LAMA1: variants seen among roughly 807,000 people sequenced by gnomAD.
LAMA1 encodes the protein laminin subunit alpha 1, also known as laminin subunit alpha-1.
LAMA1 carries 219 observed loss-of-function variants against 348.7 expected under a neutral mutation model. The ratio of observed to expected loss-of-function variants is 0.63; its 90% CI spans 0.56 to 0.70. The LOEUF (loss-of-function observed/expected upper bound fraction) is 0.70, where lower values mean the gene tolerates loss of function less well. LAMA1 is among the 30% of genes least tolerant of loss of function. The pLI is 0.00. For missense variants in LAMA1, 3,744 were observed against 3,888.0 expected, an observed-to-expected ratio of 0.96 and a Z score of 0.99; for synonymous variants, 1,487 against 1,491.0, an observed-to-expected ratio of 1.00 and a Z score of 0.06.
chr18:6,951,789 A>G (rs1338329069), intron 57 of LAMA1, among the ~76,000 whole-genome samples: 1 of 152,226 alleles, frequency 6.6e-6, no homozygotes, highest in East Asian at 1.9e-4. Context: ...AAGAAGCAAC[A>G]GGATTTGCCA....
At position 6,955,485 on chromosome 18, in the gene LAMA1, A is replaced by G. The variant is rs1301694352; in HGVS notation, c.8095-20T>C. On this transcript the variant is annotated intron_variant, in intron 56 of 62. Transcript: ENST00000389658. The stretch of plus-strand genomic sequence containing the variant: ...CTGTTCCTGTAAGAGACACACAGGG[A>G]CACTCAGCCGCCACCCGCAGCCCGA... 1.9e-6 allele frequency: 3 copies of G among 1,596,698 alleles called. No individual in the cohort carries two copies. The highest frequency in any genetic ancestry group is 2.6e-6 in the Non-Finnish European group (3 of 1,164,504).
At chr18:7,057,475 T>TC (rs1305581291) in intron 3 of LAMA1, among the ~76,000 whole-genome samples, 142 of 115,486 alleles carry the variant, frequency 1.2e-3, no homozygotes, top group African/African-American at 9.4e-3. Flanking sequence ...TCTTTTCTTT[T>TC]TTTTTTTTTT....
chr18:6,986,905 C>G (rs977032164), intron 36 of LAMA1, among the ~76,000 whole-genome samples: 1 of 152,112 alleles, frequency 6.6e-6, no homozygotes, highest in East Asian at 1.9e-4. Context: ...GATTAAGGTG[C>G]CTGCCATCAC....
In LAMA1 at chr18:7,002,795, T is replaced by C. The variant is rs564983737; in HGVS notation, c.4261-410A>G. On this transcript the variant is annotated intron_variant, in intron 29 of 62. Coordinates refer to ENST00000389658, the MANE Select transcript of LAMA1 (RefSeq NM_005559.4). ...AAGAATGGATAGATGATTTAGGAAATAGACAATGAGGGAAGAAAACTCATG... is the reference window on the plus strand; with the variant it reads ...AAGAATGGATAGATGATTTAGGAAACAGACAATGAGGGAAGAAAACTCATG... 1.3e-4 allele frequency among the ~76,000 whole-genome samples: 20 copies of C among 152,182 alleles called. No individual in the cohort carries two copies. In the South Asian group the frequency reaches 1.5e-3, roughly 11 times the overall value.
chr18:7,081,109 T>C (rs986802142), intron 1 of LAMA1, among the ~76,000 whole-genome samples: 4 of 152,026 alleles, frequency 2.6e-5, no homozygotes, highest in African/African-American at 7.2e-5. Flanking sequence ...GCTGTGGAGA[T>C]TGTGCCACTG....
At chr18:7,067,857 ATT>A (rs546684275) in intron 3 of LAMA1, among the ~76,000 whole-genome samples, 6,997 of 138,294 alleles carry the variant, frequency 0.051, 547 homozygotes, top group African/African-American at 0.17. Flanking sequence ...TCCTTTTCGC[ATT>A]TTTTTTTTTT....
intron 28 of LAMA1, 62 bp from the exon 29 acceptor site, chr18:7,007,338 T>A: frequency 6.6e-7 from 1 of 1,521,450 alleles, no homozygotes; most frequent in East Asian, 2.3e-5. Flanking sequence ...AGGACTTGAA[T>A]AGACACTTCT....
At chr18:7,003,680 C>T (rs2057818958) in intron 29 of LAMA1, among the ~76,000 whole-genome samples, 1 of 152,200 alleles carries the variant, frequency 6.6e-6, no homozygotes, top group Non-Finnish European at 1.5e-5. Flanking sequence ...GATTCCATGT[C>T]TGATGCAGCT....
At chr18:6,955,323 G>T in intron 57 of LAMA1, 30 bp downstream of exon 57, 1 of 1,531,998 alleles carries the variant, frequency 6.5e-7, no homozygotes, top group Non-Finnish European at 9.0e-7. Context: ...GCAATGAGAC[G>T]CCGCATAAGG....
Position 6,985,516 on chromosome 18 carries a change from A to G in LAMA1, c.5496+11T>C. On this transcript the variant is annotated intron_variant, in intron 38 of 62. Coordinates refer to ENST00000389658, the MANE Select transcript of LAMA1 (RefSeq NM_005559.4). ...AAAACTGTACTGTGGCTGTGCTGAG[A>G]TGTAATTTACCTCTAGAGCATCTTG... 1 of 1,612,178 alleles carries G rather than the reference A, an allele frequency of 6.2e-7. No homozygotes were observed. Among genetic ancestry groups the G allele is most frequent in the Non-Finnish European group, 8.5e-7 (1 of 1,178,248 alleles).
At chr18:7,110,753 G>T (rs1329945156) in intron 1 of LAMA1, among the ~76,000 whole-genome samples, 2 of 152,030 alleles carry the variant, frequency 1.3e-5, no homozygotes, top group Admixed American at 6.6e-5. Context: ...ACTGGGAGGC[G>T]GAGGTTGCAG....
chr18:7,080,531 T>C, intron 1 of LAMA1, 74 bp from the exon 2 acceptor site: 4 of 1,478,258 alleles, frequency 2.7e-6, no homozygotes, highest in Non-Finnish European at 2.8e-6. Context: ...TCCCACTTGG[T>C]AGGTGAATCA....
intron 3 of LAMA1, among the ~76,000 whole-genome samples, chr18:7,053,059 T>C (rs1013807880): frequency 6.6e-6 from 1 of 152,150 alleles, no homozygotes; most frequent in African/African-American, 2.4e-5. Flanking sequence ...AAATGCATAT[T>C]ACTAAGTGAA....
intron 10 of LAMA1, among the ~76,000 whole-genome samples, 179 bp from the exon 11 acceptor site, chr18:7,039,129 A>G (rs1383562307): frequency 6.6e-6 from 1 of 152,164 alleles, no homozygotes; most frequent in African/African-American, 2.4e-5. Flanking sequence ...ATTATATATA[A>G]TTTGATTTTG....
Position 6,958,542 on chromosome 18 carries a change from C to G in LAMA1, c.7899G>C (p.Gly2633=), listed in dbSNP as rs531598315. The G allele has an allele frequency of 6.2e-7, 1 of 1,614,188 alleles. No individual in the cohort carries two copies. The highest frequency in any genetic ancestry group is 1.3e-5 in the African/African-American group (1 of 75,048). Residue 2633 remains glycine, a synonymous_variant, in exon 55 of 63, where the codon GGG becomes GGC. Transcript: ENST00000389658. ...ATCTTCTCATTGTGAGCAGTGACGTCCCCTCTCCCTCTGGAATTCCCCCGA... is the reference window on the plus strand; with the variant it reads ...ATCTTCTCATTGTGAGCAGTGACGTGCCCTCTCCCTCTGGAATTCCCCCGA... ...LYVGGIPEGE[G]TSLLTMRRSF... is the part of the protein sequence containing the mutation.
At position 6,975,053 on chromosome 18, in the gene LAMA1, G is replaced by T; in HGVS notation, c.6490-17C>A. The T allele has an allele frequency of 6.2e-7, 1 of 1,612,126 alleles. No individual in the cohort carries two copies. The highest frequency in any genetic ancestry group is 1.1e-5 in the South Asian group (1 of 90,740). On this transcript the variant is annotated splice_polypyrimidine_tract_variant and intron_variant, in intron 45 of 62. Transcript: ENST00000389658. ...GAAATCAGACTGGGGGGCGAGGAAT[G>T]AACGGGGATCAGTTTACACACTGGA...
chr18:7,117,634 G>A (rs1339422950), intron 1 of LAMA1, 26 bp downstream of exon 1: 2 of 1,593,768 alleles, frequency 1.3e-6, no homozygotes, highest in Non-Finnish European at 1.7e-6. Flanking sequence ...GGGGGACAGG[G>A]ACCCTAGGAC....
chr18:6,986,132 C>T lies in LAMA1; in HGVS notation c.5379+5G>A, dbSNP rs761061766. 4 of 1,613,972 alleles carry T rather than the reference C, an allele frequency of 2.5e-6. No homozygotes were observed. The highest frequency in any genetic ancestry group is 2.7e-5 in the African/African-American group (2 of 74,932). On this transcript the variant is annotated splice_donor_5th_base_variant and intron_variant, in intron 37 of 62. Transcript: ENST00000389658. Reference sequence around the variant, plus strand: ...ATTGAGAAGGAGAGAGCAAGTGAGACTCACACTGAATTCTCTCAGATTAGC... The same window carrying T: ...ATTGAGAAGGAGAGAGCAAGTGAGATTCACACTGAATTCTCTCAGATTAGC...
chr18:7,010,139 A>C (rs2057852799), intron 26 of LAMA1, 61 bp downstream of exon 26: 3 of 1,579,486 alleles, frequency 1.9e-6, no homozygotes, highest in Non-Finnish European at 1.7e-6. Context: ...TTCATCTTTC[A>C]CTACATCCAT....
Sources: allele counts gnomAD v4.1 joint callset (sites outside exome capture counted in the v4.1 genomes callset), GRCh38; gene constraint gnomAD v4.1.1; transcripts MANE v1.5; gene names NCBI Gene and HGNC (gene_info 2026-07-23, HGNC 2026-07-21).